Variants in PCSK5 observed in about 807,000 individuals in gnomAD.
PCSK5 encodes prohormone convertase 5.
PCSK5 carries 129 observed loss-of-function variants against 233.2 expected under a neutral mutation model. The observed-to-expected ratio is 0.55, with a 90% CI of 0.48 to 0.64. The LOEUF is 0.64. PCSK5 is among the 30% of genes least tolerant of loss of function. The pLI is 0.00. For missense variants in PCSK5, 2,076 were observed against 2,430.1 expected (o/e 0.85, Z 3.06); for synonymous variants, 825 against 879.2 (o/e 0.94, Z 1.09).
intron 37 of PCSK5, among the ~76,000 whole-genome samples, chr9:76,357,650 A>G (rs995478827): frequency 6.6e-6 from 1 of 152,224 alleles, no homozygotes; most frequent in Non-Finnish European, 1.5e-5. Context: ...CTGTTGTCAG[A>G]GCCTTTTGTC....
chr9:76,310,896 CTCTG>C, intron 30 of PCSK5, 45 bp downstream of exon 30: 1 of 1,293,820 alleles, frequency 7.7e-7, no homozygotes, highest in Non-Finnish European at 1.1e-6. Context: ...AATCACTCTC[CTCTG>C]GTACTTTGGG....
At chr9:76,182,774 C>T (rs1232072083) in intron 16 of PCSK5, among the ~76,000 whole-genome samples, 5 of 152,038 alleles carry the variant, frequency 3.3e-5, no homozygotes, top group Non-Finnish European at 7.4e-5. Flanking sequence ...GGACCTCATA[C>T]CATGGTATAT....
intron 9 of PCSK5, among the ~76,000 whole-genome samples, chr9:76,121,727 G>A (rs980591783): frequency 1.3e-5 from 2 of 151,822 alleles, no homozygotes; most frequent in Admixed American, 6.6e-5. Flanking sequence ...CAGAGTTCTC[G>A]CATGTTTGAA....
At chr9:76,179,144 T>G (rs1336452802) in intron 14 of PCSK5, among the ~76,000 whole-genome samples, 1 of 152,198 alleles carries the variant, frequency 6.6e-6, no homozygotes, top group Non-Finnish European at 1.5e-5. Context: ...TCAGAGGTAT[T>G]CAGTAGCTTT....
intron 2 of PCSK5, among the ~76,000 whole-genome samples, chr9:75,978,598 A>G (rs549124041): frequency 1.2e-4 from 18 of 152,360 alleles, no homozygotes; most frequent in African/African-American, 4.1e-4. Context: ...ATGCTGCTAC[A>G]GTAGGTGTAA....
intron 35 of PCSK5, among the ~76,000 whole-genome samples, chr9:76,344,752 C>T (rs371594775): frequency 1.4e-4 from 21 of 152,058 alleles, no homozygotes; most frequent in African/African-American, 5.1e-4. Flanking sequence ...ATTTGATTTG[C>T]GAAATCTGAC....
chr9:76,290,669 G>A (rs1303053517), intron 24 of PCSK5, among the ~76,000 whole-genome samples: 19 of 152,366 alleles, frequency 1.2e-4, no homozygotes, highest in Non-Finnish European at 4.4e-5. Flanking sequence ...GCAAAGATGA[G>A]CATGACCAAG....
At chr9:76,088,538 A>G (rs1451094843) in intron 7 of PCSK5, among the ~76,000 whole-genome samples, 2 of 152,216 alleles carry the variant, frequency 1.3e-5, no homozygotes, top group Non-Finnish European at 2.9e-5. Flanking sequence ...GCATTGGACA[A>G]AACATCTCAT....
At chr9:76,055,227 A>G (rs1332502970) in intron 5 of PCSK5, among the ~76,000 whole-genome samples, 2 of 152,064 alleles carry the variant, frequency 1.3e-5, no homozygotes, top group South Asian at 2.1e-4. Flanking sequence ...TATTTTATGT[A>G]TCTATTTATT....
intron 3 of PCSK5, among the ~76,000 whole-genome samples, chr9:75,994,762 C>A (rs1436254221): frequency 6.6e-6 from 1 of 152,128 alleles, no homozygotes; most frequent in Non-Finnish European, 1.5e-5. Context: ...CCAGTCTGTT[C>A]TTCATACAGC....
At chr9:75,896,473 A>T (rs1273556026) in intron 1 of PCSK5, among the ~76,000 whole-genome samples, 1 of 152,188 alleles carries the variant, frequency 6.6e-6, no homozygotes, top group Non-Finnish European at 1.5e-5. Context: ...TGAGAGAGGG[A>T]GTCCTGACCC....
chr9:76,350,991 C>T, intron 36 of PCSK5, 63 bp downstream of exon 36: 1 of 802,102 alleles, frequency 1.2e-6, no homozygotes, highest in Non-Finnish European at 2.1e-6. Flanking sequence ...AGCTTACTTC[C>T]TGCATGTCAT....
intron 2 of PCSK5, among the ~76,000 whole-genome samples, chr9:75,933,536 G>C (rs1228095100): frequency 6.6e-6 from 1 of 152,176 alleles, no homozygotes; most frequent in Admixed American, 6.5e-5. Flanking sequence ...GCCCCTGTTT[G>C]AATTAATATG....
At chr9:76,326,118 T>C (rs2131468907) in intron 32 of PCSK5, among the ~76,000 whole-genome samples, 1 of 151,650 alleles carries the variant, frequency 6.6e-6, no homozygotes, top group East Asian at 1.9e-4. Flanking sequence ...CTCACATCTG[T>C]AATCTCAACA....
chr9:76,029,533 T>C (rs1828569449), intron 5 of PCSK5, among the ~76,000 whole-genome samples: 1 of 152,210 alleles, frequency 6.6e-6, no homozygotes, highest in South Asian at 2.1e-4. Flanking sequence ...TTGACCTGAT[T>C]ATTTGCTTAA....
In PCSK5 at chr9:76,188,713, T is replaced by C. The variant is rs140272874; in HGVS notation, c.2380+38T>C. The C allele has an allele frequency of 2.6e-5, 39 of 1,502,822 alleles. 1 individual carries two copies. In the African/African-American group the frequency reaches 5.0e-4, roughly 19 times the overall value. 93.1% of individuals were successfully genotyped at this position (1,502,822 alleles called of 1,614,324 possible). Reference sequence around the variant, plus strand: ...GTTCTTTTGTTTATTCTCCCGGTTCTGGTTTTGCTTTTCTTTCTGGTTTGG... The same window carrying C: ...GTTCTTTTGTTTATTCTCCCGGTTCCGGTTTTGCTTTTCTTTCTGGTTTGG... On this transcript the variant is annotated intron_variant, in intron 18 of 37. Coordinates refer to ENST00000674117, the MANE Select transcript of PCSK5 (RefSeq NM_001372043.1).
intron 24 of PCSK5, among the ~76,000 whole-genome samples, chr9:76,249,914 C>G (rs2131343043): frequency 6.6e-6 from 1 of 152,252 alleles, no homozygotes; most frequent in African/African-American, 2.4e-5. Flanking sequence ...TCCATGAGTT[C>G]ATACAAATAT....
chr9:75,940,788 A>C (rs924168629), intron 2 of PCSK5, among the ~76,000 whole-genome samples: 1 of 152,148 alleles, frequency 6.6e-6, no homozygotes, highest in African/African-American at 2.4e-5. Flanking sequence ...TTTCTTTACT[A>C]CTACTAATTG....
chr9:75,891,392 G>C lies in PCSK5; in HGVS notation c.192+19G>C, dbSNP rs758463883. ...AGGACAGGTAACGAACTACAGGCTAGCCCAGCCCTCGGCCCTGAAGCCACT... is the reference window on the plus strand; with the variant it reads ...AGGACAGGTAACGAACTACAGGCTACCCCAGCCCTCGGCCCTGAAGCCACT... On this transcript the variant is annotated intron_variant, in intron 1 of 37. Coordinates refer to ENST00000674117, the MANE Select transcript of PCSK5 (RefSeq NM_001372043.1). 1.3e-6 allele frequency: 2 copies of C among 1,537,234 alleles called. No individual in the cohort carries two copies. Among genetic ancestry groups the C allele is most frequent in the Admixed American group, 4.4e-5 (2 of 45,264 alleles).
Sources: allele counts gnomAD v4.1 joint callset (sites outside exome capture counted in the v4.1 genomes callset), GRCh38; gene constraint gnomAD v4.1.1; transcripts MANE v1.5; gene names NCBI Gene and HGNC (gene_info 2026-07-23, HGNC 2026-07-21).